Variants in PES1 observed in about 807,000 individuals in gnomAD.
The protein encoded by PES1 is pescadillo homolog.
Under a neutral mutation model 77.1 loss-of-function variants are expected in PES1, and 31 were observed. That is an observed-to-expected ratio of 0.40 (90% confidence interval 0.30 to 0.54). The LOEUF is 0.54. PES1 is among the 20% of genes least tolerant of loss of function. The pLI is 0.45. For synonymous variants in PES1, 282 were observed against 303.0 expected (o/e 0.93, Z 0.72); for missense variants, 658 against 771.7 (o/e 0.85, Z 1.75).
At chr22:30,586,775 C>A (rs1231928579) in intron 4 of PES1, among the ~76,000 whole-genome samples, 1 of 152,138 alleles carries the variant, frequency 6.6e-6, no homozygotes, top group Non-Finnish European at 1.5e-5. Context: ...CATGGGGAAA[C>A]CCAGTCTCTA....
intron 4 of PES1, among the ~76,000 whole-genome samples, chr22:30,585,981 T>G (rs1204387403): frequency 1.3e-5 from 2 of 152,200 alleles, no homozygotes; most frequent in African/African-American, 4.8e-5. Flanking sequence ...TGGTGCCTTG[T>G]AGTTTCCTCA....
At chr22:30,584,239 C>A (rs1235236795) in intron 6 of PES1, 126 bp downstream of exon 6, 1 of 737,988 alleles carries the variant, frequency 1.4e-6, no homozygotes, top group Admixed American at 2.2e-5. Flanking sequence ...CCGCGCCTCA[C>A]CCCTCATCAA....
At chr22:30,592,017 T>A (rs2087189015), upstream of PES1, 1 of 1,371,252 alleles carries the variant, frequency 7.3e-7, no homozygotes, top group Non-Finnish European at 9.4e-7. Context: ...GATTTAAAAC[T>A]ATAGTCTGAA....
chr22:30,578,271 G>C (rs1005107860), intron 14 of PES1, among the ~76,000 whole-genome samples: 23 of 152,136 alleles, frequency 1.5e-4, no homozygotes, highest in Admixed American at 6.5e-4. Flanking sequence ...GACAGAGGAA[G>C]ACTCTGTCTC....
chr22:30,582,552 G>A (rs1190604575), intron 6 of PES1, among the ~76,000 whole-genome samples: 1 of 152,148 alleles, frequency 6.6e-6, no homozygotes, highest in Non-Finnish European at 1.5e-5. Flanking sequence ...GAGCAGTTCT[G>A]CCCCCTAAAA....
At chr22:30,601,703 T>G (rs2087356593) in intron 2 of PES1, 1 of 152,196 alleles carries the variant, frequency 6.6e-6, no homozygotes, top group East Asian at 1.9e-4. Context: ...TGTACCGCAA[T>G]TTGTTTATGC....
rs1210779167 is a variant in PES1 at position 30,597,876 on chromosome 22, A to ATTTTTTTTTTTTTTTTTTTTTTTTTTT, written c.-660-5479_-660-5478insAAAAAAAAAAAAAAAAAAAAAAAAAAA. Among the ~76,000 whole-genome samples, 25 of 125,156 alleles carry ATTTTTTTTTTTTTTTTTTTTTTTTTTT rather than the reference A, an allele frequency of 2.0e-4. 1 individual carries two copies. The highest frequency in any genetic ancestry group is 6.8e-4 in the African/African-American group (22 of 32,428). 82.1% of individuals were successfully genotyped at this position (125,156 alleles called of 152,430 possible). ...CTCGGTTTTTTTTCCACGCAGTTGAAGTTTTGTTTTTTTTTTTTTTGTTTT... is the reference window on the plus strand; with the variant it reads ...CTCGGTTTTTTTTCCACGCAGTTGAATTTTTTTTTTTTTTTTTTTTTTTTTTTGTTTTGTTTTTTTTTTTTTTGTTTT... On this transcript the variant is annotated intron_variant, in intron 2 of 16. Coordinates refer to the PES1 transcript ENST00000402281.
upstream of PES1, chr22:30,591,933 C>G (rs112153495): frequency 2.0e-6 from 3 of 1,464,862 alleles, no homozygotes; most frequent in Admixed American, 2.5e-5. Context: ...CCCCACCCCA[C>G]GCTGTCTGTT....
rs113767742 is a variant in PES1, at chr22:30,606,857, G to T, written c.-766C>A. On this transcript the variant is annotated 5_prime_UTR_variant, in exon 1 of 17. Coordinates refer to the PES1 transcript ENST00000402281. ...CGTTCCACTCCTTGTCCTGGGCTAG[G>T]TGGGCACTACCAGGGGCTCCTTTGG... 362 of 1,022,930 alleles carry T rather than the reference G, an allele frequency of 3.5e-4. 1 individual carries two copies. The African/African-American group carries it at 5.6e-3, about 16-fold the overall frequency. The allele number at this position is 1,022,930 out of a possible 1,614,324, so 63.4% of individuals were successfully genotyped here. A position where few individuals can be genotyped will look rare whatever the true frequency, so the allele number is the denominator to read the frequency against.
At chr22:30,580,898 A>G (rs1367576958) in intron 9 of PES1, 114 bp downstream of exon 9, 43 of 1,180,268 alleles carry the variant, frequency 3.6e-5, no homozygotes, top group African/African-American at 7.6e-5. Flanking sequence ...TCTTCTGCTC[A>G]GTTGCTTTGA....
chr22:30,584,661 A>G lies in PES1; in HGVS notation c.425T>C (p.Phe142Ser). ...RDLDDALSMC[F>S]LFSTFPRTGK... ...AGTCCGCGGGAAGGTGGAAAACAGG[A>G]AGCACATGGAGAGGGCATCGTCCAG... The change falls in exon 5 of 15, where the codon TTC (phenylalanine) becomes TCC (serine). Residue 142 changes from phenylalanine to serine, a missense_variant. Coordinates refer to ENST00000354694, the MANE Select transcript of PES1 (RefSeq NM_014303.4). 3 of 1,613,926 alleles carry G rather than the reference A, an allele frequency of 1.9e-6. No individual in the cohort carries two copies. The highest frequency in any genetic ancestry group is 2.5e-6 in the Non-Finnish European group (3 of 1,180,000).
upstream of PES1, among the ~76,000 whole-genome samples, chr22:30,592,602 G>C (rs188445725): frequency 1.8e-3 from 274 of 152,244 alleles, 1 homozygote; most frequent in African/African-American, 6.3e-3. Context: ...TTCGAGACCA[G>C]TGTGACCAAT....
chr22:30,598,610 G>A (rs539745769), intron 2 of PES1, among the ~76,000 whole-genome samples: 1 of 152,108 alleles, frequency 6.6e-6, no homozygotes, highest in East Asian at 1.9e-4. Flanking sequence ...TGTATTTTTA[G>A]TAGAAGTTGG....
At chr22:30,585,421 A>C in intron 4 of PES1, 1 of 454,144 alleles carries the variant, frequency 2.2e-6, no homozygotes, top group Non-Finnish European at 4.6e-6. Context: ...AACCACAAGT[A>C]ACGACACCTG....
intron 6 of PES1, 74 bp from the exon 7 acceptor site, chr22:30,581,718 A>G (rs1298403491): frequency 5.8e-6 from 6 of 1,037,412 alleles, no homozygotes; most frequent in Non-Finnish European, 9.0e-6. Context: ...CAACCCACAG[A>G]GTGGAGGGTG....
upstream of PES1, chr22:30,592,127 A>G: frequency 8.1e-7 from 1 of 1,238,402 alleles, no homozygotes; most frequent in Non-Finnish European, 1.0e-6. Flanking sequence ...CTTTTCTGTA[A>G]TCACCCTGAT....
rs143579113 is a variant in PES1 at position 30,590,015 on chromosome 22, G to A, written c.25-745C>T. Among the ~76,000 whole-genome samples, 710 of 152,194 alleles carry A rather than the reference G, an allele frequency of 4.7e-3. 5 individuals carry two copies. The highest frequency in any genetic ancestry group is 0.024 in the South Asian group (116 of 4,818). ...GTTCCCTTGAGGGTGGTATTACCCT[G>A]GCTGAAAAAGCATGCTCTAAGCCAC... On this transcript the variant is annotated intron_variant, in intron 1 of 14. Coordinates refer to ENST00000354694, the MANE Select transcript of PES1 (RefSeq NM_014303.4).
At chr22:30,604,692 A>C (rs1176123212) in intron 2 of PES1, among the ~76,000 whole-genome samples, 1 of 151,918 alleles carries the variant, frequency 6.6e-6, no homozygotes, top group East Asian at 1.9e-4. Flanking sequence ...GCTGGCTTGC[A>C]GCTGGCTTTA....
Position 30,580,032 on chromosome 22 carries a change from C to T in PES1, c.1169+21G>A, listed in dbSNP as rs369765120. The stretch of plus-strand genomic sequence containing the variant: ...GAGACAGGATACCCAGAAATCCGGA[C>T]GAGGACCCTTGAGGGCCTACCTGCC... On this transcript the variant is annotated intron_variant, in intron 11 of 14. Coordinates refer to ENST00000354694, the MANE Select transcript of PES1 (RefSeq NM_014303.4). 4.9e-5 allele frequency: 79 copies of T among 1,612,474 alleles called. 1 individual carries two copies. The highest frequency in any genetic ancestry group is 1.2e-4 in the African/African-American group (9 of 74,876).
Sources: gnomAD v4.1 joint callset for allele counts (sites outside exome capture counted in the v4.1 genomes callset) on GRCh38, gnomAD v4.1.1 for gene constraint, MANE v1.5 for transcripts, NCBI Gene and HGNC (gene_info 2026-07-23, HGNC 2026-07-21) for gene names.